The following SGCD variants were observed in gnomAD, a reference collection of about 807,000 sequenced individuals.
SGCD encodes sarcoglycan delta.
In SGCD, 18 loss-of-function variants were observed where a neutral mutation model predicts 36.6. The observed-to-expected ratio is 0.49, with a 90% CI of 0.34 to 0.73. SGCD has a LOEUF of 0.73. Among genes scored for constraint, SGCD ranks in the 30% least tolerant of loss-of-function variants. SGCD has a pLI of 0.01. For synonymous variants in SGCD, 133 were observed against 130.6 expected, an observed-to-expected ratio of 1.02 and a Z score of -0.12; for missense variants, 387 against 346.7, an observed-to-expected ratio of 1.12 and a Z score of -0.92.
chr5:156,578,196 G>C (rs1371705513), intron 4 of SGCD, among the ~76,000 whole-genome samples: 1 of 152,186 alleles, frequency 6.6e-6, no homozygotes, highest in Non-Finnish European at 1.5e-5. Flanking sequence ...TGTTGGTTCT[G>C]TTTATGTGAT....
intron 1 of SGCD, among the ~76,000 whole-genome samples, chr5:155,933,441 A>C (rs1757135742): frequency 6.6e-6 from 1 of 152,144 alleles, no homozygotes; most frequent in Non-Finnish European, 1.5e-5. Flanking sequence ...TGTGGAGATA[A>C]CTCCACAAGC....
In SGCD at chr5:156,226,038, C is replaced by CT. The variant is rs200732761; in HGVS notation, c.-44+102026dup. 9.9e-4 allele frequency among the ~76,000 whole-genome samples: 151 copies of CT among 152,110 alleles called. 3 individuals are homozygous for CT. The East Asian group carries it at 0.027, about 27-fold the overall frequency. On this transcript the variant is annotated intron_variant, in intron 3 of 9. Transcript: ENST00000517913. ...GAAACAGGATATAATCAGCAACATT[C>CT]TTTTTTTATCTTTGTTTGCTTCTTT...
chr5:156,125,888 T>TTAG (rs1337021384), intron 3 of SGCD, among the ~76,000 whole-genome samples: 1 of 145,812 alleles, frequency 6.9e-6, no homozygotes, highest in Non-Finnish European at 1.5e-5. Flanking sequence ...ATTATTATTA[T>TTAG]TATTTTGGAG....
intron 1 of SGCD, among the ~76,000 whole-genome samples, chr5:156,100,610 T>G (rs970078364): frequency 6.6e-6 from 1 of 152,212 alleles, no homozygotes; most frequent in Non-Finnish European, 1.5e-5. Context: ...ATTGCAGTAG[T>G]GTTTTTCTTT....
chr5:156,026,325 C>T (rs1561687035), intron 1 of SGCD, among the ~76,000 whole-genome samples: 3 of 152,098 alleles, frequency 2.0e-5, no homozygotes, highest in Non-Finnish European at 4.4e-5. Context: ...CAAATAATTA[C>T]AGTTATTAGT....
chr5:155,778,255 T>C, the SGCD span, among the ~76,000 whole-genome samples: 1 of 152,210 alleles, frequency 6.6e-6, no homozygotes, highest in South Asian at 2.1e-4. Flanking sequence ...TTAGTTCAGC[T>C]GAGTGGAGTT....
intron 2 of SGCD, among the ~76,000 whole-genome samples, chr5:156,338,117 A>T (rs1301279449): frequency 6.6e-6 from 1 of 152,158 alleles, no homozygotes; most frequent in Non-Finnish European, 1.5e-5. Context: ...AAGAAAGATC[A>T]TTAGGAAACT....
chr5:155,860,617 A>G, the SGCD span, among the ~76,000 whole-genome samples: 2 of 152,166 alleles, frequency 1.3e-5, no homozygotes, highest in Non-Finnish European at 2.9e-5. Flanking sequence ...TGGAAAATTA[A>G]TTCCCTCTTT....
intron 1 of SGCD, among the ~76,000 whole-genome samples, chr5:155,873,846 A>G (rs1755708879): frequency 6.6e-6 from 1 of 152,202 alleles, no homozygotes; most frequent in Non-Finnish European, 1.5e-5. Flanking sequence ...CAACTTATCC[A>G]AAATTTTAAA....
At chr5:156,024,285 G>T (rs1759176509) in intron 1 of SGCD, among the ~76,000 whole-genome samples, 1 of 151,516 alleles carries the variant, frequency 6.6e-6, no homozygotes, top group Admixed American at 6.6e-5. Flanking sequence ...AGAAAATAGA[G>T]TGTAAATTGA....
chr5:155,886,936 C>T (rs1405505521), intron 1 of SGCD, among the ~76,000 whole-genome samples: 2 of 152,208 alleles, frequency 1.3e-5, no homozygotes, highest in African/African-American at 2.4e-5. Flanking sequence ...TTCCCAAAAG[C>T]TCATGATAAA....
intron 4 of SGCD, among the ~76,000 whole-genome samples, chr5:156,511,175 T>C (rs1398355726): frequency 1.3e-5 from 2 of 152,222 alleles, no homozygotes; most frequent in African/African-American, 2.4e-5. Context: ...TTTTCAAAAA[T>C]AGTAAAGTTT....
chr5:155,890,496 C>A (rs1451342900), intron 1 of SGCD, among the ~76,000 whole-genome samples: 1 of 151,958 alleles, frequency 6.6e-6, no homozygotes, highest in Non-Finnish European at 1.5e-5. Context: ...ATAGTCCCAG[C>A]TACTTGGGAG....
At chr5:155,831,702 A>G in the SGCD span, among the ~76,000 whole-genome samples, 1 of 152,186 alleles carries the variant, frequency 6.6e-6, no homozygotes, top group Admixed American at 6.5e-5. Flanking sequence ...AACATGGTTG[A>G]TTTTGTTCTC....
chr5:156,101,184 A>G (rs759482230), intron 1 of SGCD, among the ~76,000 whole-genome samples: 2 of 152,214 alleles, frequency 1.3e-5, no homozygotes, highest in Non-Finnish European at 2.9e-5. Flanking sequence ...TGTTGTTTAC[A>G]TCACCCAATC....
chr5:155,864,040 G>T, the SGCD span, among the ~76,000 whole-genome samples: 1 of 152,056 alleles, frequency 6.6e-6, no homozygotes, highest in East Asian at 1.9e-4. Flanking sequence ...GTGTGTGTAG[G>T]GCCATGTGGG....
Position 156,477,340 on chromosome 5 carries a change from G to C in SGCD, c.193-31261G>C, listed in dbSNP as rs75179423. ...TCTTCCAAGTACAATATAACCCATA[G>C]AACCCACTCCTTATACTCAGCATTT... On this transcript the variant is annotated intron_variant, in intron 3 of 8. Coordinates refer to ENST00000337851, the MANE Select transcript of SGCD (RefSeq NM_000337.6). 8.8e-3 allele frequency among the ~76,000 whole-genome samples: 1,336 copies of C among 152,236 alleles called. 10 individuals are homozygous for C. The highest frequency in any genetic ancestry group is 0.03 in the African/African-American group (1,248 of 41,548).
chr5:156,708,728 G>C (rs955247716), intron 7 of SGCD, among the ~76,000 whole-genome samples: 4 of 152,106 alleles, frequency 2.6e-5, no homozygotes, highest in African/African-American at 9.7e-5. Flanking sequence ...AGGAGGGAAT[G>C]TAAATACGTG....
chr5:156,516,997 C>CA, intron 4 of SGCD, among the ~76,000 whole-genome samples: 1 of 151,970 alleles, frequency 6.6e-6, no homozygotes, highest in East Asian at 1.9e-4. Flanking sequence ...GGCTACATCT[C>CA]AAAAAACAAA....
Sources: gnomAD v4.1 joint callset for allele counts (sites outside exome capture counted in the v4.1 genomes callset) on GRCh38, gnomAD v4.1.1 for gene constraint, MANE v1.5 for transcripts, NCBI Gene and HGNC (gene_info 2026-07-23, HGNC 2026-07-21) for gene names.